Variants in METTL16 observed in about 807,000 individuals in gnomAD.
The protein encoded by METTL16 is methyltransferase 16, RNA N6-adenosine.
METTL16 carries 19 observed loss-of-function variants against 57.9 expected under a neutral mutation model. That is an observed-to-expected ratio of 0.33 (90% confidence interval 0.23 to 0.48). The LOEUF is 0.48. Among genes scored for constraint, METTL16 ranks in the 20% least tolerant of loss-of-function variants. The pLI, the probability that METTL16 is intolerant of heterozygous loss-of-function variation, is 0.99. For synonymous variants in METTL16, 246 were observed against 255.6 expected, an observed-to-expected ratio of 0.96 and a Z score of 0.36; for missense variants, 434 against 691.5, an observed-to-expected ratio of 0.63 and a Z score of 4.18.
chr17:2,500,697 C>T (rs9896219), intron 2 of METTL16, among the ~76,000 whole-genome samples: 3 of 152,020 alleles, frequency 2.0e-5, no homozygotes, highest in East Asian at 1.9e-4. Flanking sequence ...CTCTGTAACT[C>T]GCAGAGTTGA....
At chr17:2,476,663 T>A (rs1357320900) in intron 3 of METTL16, among the ~76,000 whole-genome samples, 2 of 152,104 alleles carry the variant, frequency 1.3e-5, no homozygotes, top group Non-Finnish European at 2.9e-5. Flanking sequence ...TTCTACTCAG[T>A]TAGAAATAGA....
At chr17:2,490,468 G>A (rs1471602816) in intron 2 of METTL16, among the ~76,000 whole-genome samples, 1 of 152,126 alleles carries the variant, frequency 6.6e-6, no homozygotes, top group African/African-American at 2.4e-5. Flanking sequence ...ATAAAGACAA[G>A]GGCTTAGAAA....
chr17:2,504,057 A>G (rs2067511933), intron 1 of METTL16, among the ~76,000 whole-genome samples: 1 of 152,228 alleles, frequency 6.6e-6, no homozygotes, highest in African/African-American at 2.4e-5. Context: ...TGAAATTCTG[A>G]TACATGCTAC....
At chr17:2,440,226 C>A (rs935032743) in intron 7 of METTL16, among the ~76,000 whole-genome samples, 3 of 152,020 alleles carry the variant, frequency 2.0e-5, no homozygotes, top group Non-Finnish European at 4.4e-5. Flanking sequence ...AACCACACTA[C>A]AGTCTGGTTG....
intron 6 of METTL16, among the ~76,000 whole-genome samples, chr17:2,453,928 G>A (rs992367835): frequency 6.6e-6 from 1 of 152,064 alleles, no homozygotes; most frequent in African/African-American, 2.4e-5. Flanking sequence ...CATTATTTTA[G>A]AAATAAGTAA....
intron 6 of METTL16, among the ~76,000 whole-genome samples, chr17:2,457,177 CA>C (rs779979026): frequency 4.3e-4 from 59 of 137,836 alleles, no homozygotes; most frequent in Admixed American, 4.4e-4. Context: ...ACTAAAAATA[CA>C]AAAAAAAAAA....
At chr17:2,473,781 C>T in intron 3 of METTL16, 117 bp from the exon 4 acceptor site, 2 of 1,088,714 alleles carry the variant, frequency 1.8e-6, no homozygotes, top group Non-Finnish European at 2.6e-6. Context: ...CTCTGTCGCC[C>T]AGGCTACAGT....
At chr17:2,466,196 A>C (rs373137716) in intron 5 of METTL16, among the ~76,000 whole-genome samples, 40,233 of 144,470 alleles carry the variant, frequency 0.28, 6,040 homozygotes, top group African/African-American at 0.43. Context: ...TCTGTCACAA[A>C]AAAAAAAAAA....
At position 2,495,274 on chromosome 17, in the gene METTL16, T is replaced by C. The variant is rs189801489; in HGVS notation, c.128+6930A>G. Among the ~76,000 whole-genome samples, 9 of 152,002 alleles carry C rather than the reference T, an allele frequency of 5.9e-5. No individual in the cohort carries two copies. In the East Asian group the frequency reaches 1.7e-3, roughly 29 times the overall value. ...GAGCCCGGGGAGGTTGAGGCTACTG[T>C]GAGCCACAATTATACCACTGCACTC... On this transcript the variant is annotated intron_variant, in intron 2 of 9. Transcript: ENST00000263092.
intron 1 of METTL16, among the ~76,000 whole-genome samples, chr17:2,505,715 C>T (rs2151581449): frequency 6.6e-6 from 1 of 152,114 alleles, no homozygotes; most frequent in East Asian, 1.9e-4. Flanking sequence ...TAATTGGTCT[C>T]CCTGCATCCA....
chr17:2,429,173 A>C lies in METTL16; in HGVS notation c.889-8269T>G, dbSNP rs545185735. Among the ~76,000 whole-genome samples the C allele has an allele frequency of 3.4e-5, 5 of 148,994 alleles. No individual in the cohort carries two copies. The East Asian group carries it at 1.0e-3, about 30-fold the overall frequency. ...GTGCCCAGCCAACTCATTATTTTTAAAACTGATAAAGCAAAAGAATGAAAC... is the reference window on the plus strand; with the variant it reads ...GTGCCCAGCCAACTCATTATTTTTACAACTGATAAAGCAAAAGAATGAAAC... On this transcript the variant is annotated intron_variant, in intron 8 of 9. Transcript: ENST00000263092.
chr17:2,487,608 C>T (rs117586506), intron 2 of METTL16, among the ~76,000 whole-genome samples: 9 of 152,220 alleles, frequency 5.9e-5, no homozygotes, highest in East Asian at 5.8e-4. Flanking sequence ...CAGAAGGCAA[C>T]GGAGCCCTGA....
intron 7 of METTL16, 22 bp downstream of exon 7, chr17:2,441,468 A>T: frequency 6.5e-7 from 1 of 1,548,250 alleles, no homozygotes; most frequent in Non-Finnish European, 8.8e-7. Flanking sequence ...GCTACACGAG[A>T]ACAGTAATGA....
chr17:2,494,842 C>T (rs939456541), intron 2 of METTL16, among the ~76,000 whole-genome samples: 1 of 151,716 alleles, frequency 6.6e-6, no homozygotes, highest in African/African-American at 2.4e-5. Context: ...TACTAAAATA[C>T]AAAAAAACAG....
intron 1 of METTL16, among the ~76,000 whole-genome samples, chr17:2,506,070 C>T (rs998456264): frequency 9.2e-5 from 14 of 151,922 alleles, no homozygotes; most frequent in East Asian, 1.9e-4. Flanking sequence ...CGGGTTCAAG[C>T]GATTCTCCTG....
At chr17:2,440,527 G>A (rs908974334) in intron 7 of METTL16, among the ~76,000 whole-genome samples, 7 of 151,766 alleles carry the variant, frequency 4.6e-5, no homozygotes, top group African/African-American at 1.2e-4. Context: ...GATTACAGGC[G>A]TGAGCCACTG....
chr17:2,450,328 G>A (rs1370743703), intron 6 of METTL16, among the ~76,000 whole-genome samples: 1 of 152,184 alleles, frequency 6.6e-6, no homozygotes, highest in Non-Finnish European at 1.5e-5. Flanking sequence ...GCTGCTACGT[G>A]AAAGAAAGCA....
chr17:2,481,782 GCTCA>G (rs2067308640), intron 2 of METTL16, among the ~76,000 whole-genome samples: 2 of 151,922 alleles, frequency 1.3e-5, no homozygotes, highest in Admixed American at 6.6e-5. Context: ...GAAATAGAAG[GCTCA>G]CTATGTTCCC....
At chr17:2,465,135 T>C (rs2067182321) in intron 5 of METTL16, among the ~76,000 whole-genome samples, 1 of 152,116 alleles carries the variant, frequency 6.6e-6, no homozygotes, top group Non-Finnish European at 1.5e-5. Flanking sequence ...AAAGAAGATA[T>C]GTAAATGGCC....
Sources: allele counts gnomAD v4.1 joint callset (sites outside exome capture counted in the v4.1 genomes callset), GRCh38; gene constraint gnomAD v4.1.1; transcripts MANE v1.5; gene names NCBI Gene and HGNC (gene_info 2026-07-23, HGNC 2026-07-21).